LTBP1: variants seen among roughly 807,000 people sequenced by gnomAD.
LTBP1 encodes the protein latent-transforming growth factor beta-binding protein 1.
LTBP1 carries 129 observed loss-of-function variants against 207.6 expected under a neutral mutation model. The ratio of observed to expected loss-of-function variants is 0.62; its 90% CI spans 0.54 to 0.72. The LOEUF is 0.72. Ranked by LOEUF, LTBP1 falls within the 30% of genes least tolerant of loss-of-function variation. The probability of loss-of-function intolerance (pLI) is 0.00; values close to 1 mark genes in which losing one functional copy is unlikely to be tolerated. For missense variants in LTBP1, 2,281 were observed against 2,217.2 expected, an observed-to-expected ratio of 1.03 and a Z score of -0.58; for synonymous variants, 963 against 833.7, an observed-to-expected ratio of 1.16 and a Z score of -2.67.
At position 33,134,757 on chromosome 2, in the gene LTBP1, G is replaced by A. The variant is rs761277017; in HGVS notation, c.1034-36G>A. ...AAGTTCATGGATACTAAGCTGATGT[G>A]TTTGTTGTTCTTTTTCTCCCTGCCT... is the stretch of plus-strand genomic sequence containing the variant. On this transcript the variant is annotated intron_variant, in intron 4 of 33. Coordinates refer to ENST00000404816, the MANE Select transcript of LTBP1 (RefSeq NM_206943.4). The surrounding 1 kb of genome is among the most constrained non-coding windows in gnomAD (Gnocchi z 4.4). 12 of 1,613,766 alleles carry A rather than the reference G, an allele frequency of 7.4e-6. No homozygotes were observed. The Admixed American group carries it at 1.2e-4, about 16-fold the overall frequency.
intron 3 of LTBP1, among the ~76,000 whole-genome samples, chr2:33,037,057 T>C (rs573644616): frequency 6.6e-6 from 1 of 152,340 alleles, no homozygotes; most frequent in African/African-American, 2.4e-5. Flanking sequence ...GCTTTTTCTT[T>C]CACATTTCCT....
intron 5 of LTBP1, among the ~76,000 whole-genome samples, chr2:33,160,326 G>A (rs1394407822): frequency 2.0e-5 from 3 of 152,154 alleles, no homozygotes; most frequent in African/African-American, 7.2e-5. Context: ...TGGATGAATC[G>A]CAAAACTTGA....
intron 24 of LTBP1, among the ~76,000 whole-genome samples, chr2:33,338,146 A>T (rs1458189388): frequency 6.6e-6 from 1 of 152,230 alleles, no homozygotes; most frequent in Non-Finnish European, 1.5e-5. Context: ...ATAAAATATT[A>T]GTTGCTGAAG....
chr2:33,151,997 C>T lies in LTBP1; in HGVS notation c.1201+17037C>T, dbSNP rs564255004. 2.6e-5 allele frequency among the ~76,000 whole-genome samples: 4 copies of T among 152,212 alleles called. No homozygotes were observed. The South Asian group carries it at 8.3e-4, about 32-fold the overall frequency. Reference sequence around the variant, plus strand: ...TGCAAGTTGGAAAAACCCTTCTAGACATGGGCTTAGGCAAGAATTTTGTGA... The same window carrying T: ...TGCAAGTTGGAAAAACCCTTCTAGATATGGGCTTAGGCAAGAATTTTGTGA... On this transcript the variant is annotated intron_variant, in intron 5 of 33. Coordinates refer to ENST00000404816, the MANE Select transcript of LTBP1 (RefSeq NM_206943.4).
intron 7 of LTBP1, 74 bp downstream of exon 7, chr2:33,188,925 T>G: frequency 6.7e-7 from 1 of 1,482,486 alleles, no homozygotes; most frequent in Admixed American, 2.2e-5. Flanking sequence ...AAGCCAGACT[T>G]GATAAAAATG....
intron 3 of LTBP1, among the ~76,000 whole-genome samples, chr2:33,081,370 T>C (rs1210247321): frequency 6.6e-6 from 1 of 152,008 alleles, no homozygotes; most frequent in Admixed American, 6.5e-5. Context: ...GATATACATA[T>C]ACACACATGT....
chr2:33,155,001 C>T (rs369355460), intron 5 of LTBP1, among the ~76,000 whole-genome samples: 5 of 152,090 alleles, frequency 3.3e-5, no homozygotes, highest in East Asian at 3.9e-4. Flanking sequence ...AGGTGGAGGA[C>T]GCAGTGAGCC....
intron 5 of LTBP1, among the ~76,000 whole-genome samples, chr2:33,181,282 G>A (rs562972997): frequency 6.6e-6 from 1 of 152,168 alleles, no homozygotes; most frequent in African/African-American, 2.4e-5. Flanking sequence ...CAGTTTGCCC[G>A]CATTTATATA....
chr2:33,076,326 G>T (rs1572516437), intron 3 of LTBP1, among the ~76,000 whole-genome samples: 1 of 152,188 alleles, frequency 6.6e-6, no homozygotes, highest in African/African-American at 2.4e-5. Context: ...TTATGTGAGA[G>T]AAAGTGACCA....
At chr2:33,347,702 T>C (rs1362611619) in intron 26 of LTBP1, among the ~76,000 whole-genome samples, 192 bp downstream of exon 26, 1 of 152,218 alleles carries the variant, frequency 6.6e-6, no homozygotes, top group Non-Finnish European at 1.5e-5. Flanking sequence ...TGATGACTCT[T>C]TGGGCTAGAT....
rs111428396 is a variant in LTBP1, at chr2:32,960,459, A to G, written c.565+11514A>G. The stretch of plus-strand genomic sequence containing the variant: ...TGGATTGATTTGTTGTACTTTCACC[A>G]AGCTCCTATATAGTAGGTTTTGGTA... On this transcript the variant is annotated intron_variant, in intron 2 of 33. Transcript: ENST00000404816. Among the ~76,000 whole-genome samples, 565 of 152,300 alleles carry G rather than the reference A, an allele frequency of 3.7e-3. 3 individuals are homozygous for G. Among genetic ancestry groups the G allele is most frequent in the African/African-American group, 0.013 (546 of 41,566 alleles).
At chr2:33,016,493 C>A (rs907702936) in intron 2 of LTBP1, among the ~76,000 whole-genome samples, 1 of 152,202 alleles carries the variant, frequency 6.6e-6, no homozygotes, top group South Asian at 2.1e-4. Context: ...CTGGAGCCCT[C>A]CCCCGCTAGA....
At chr2:33,367,552 G>A (rs1382634490) in intron 31 of LTBP1, among the ~76,000 whole-genome samples, 1 of 152,078 alleles carries the variant, frequency 6.6e-6, no homozygotes, top group African/African-American at 2.4e-5. Context: ...CATTCCATAT[G>A]TCCATGTGTA....
At chr2:32,976,468 T>C (rs955960790) in intron 2 of LTBP1, among the ~76,000 whole-genome samples, 2 of 152,196 alleles carry the variant, frequency 1.3e-5, no homozygotes, top group Non-Finnish European at 2.9e-5. Flanking sequence ...TATTTTACCA[T>C]TGTATTTTGG....
chr2:33,190,744 C>T (rs1267156963), intron 7 of LTBP1, among the ~76,000 whole-genome samples: 1 of 152,184 alleles, frequency 6.6e-6, no homozygotes, highest in East Asian at 1.9e-4. Flanking sequence ...CAGCCATCTA[C>T]TATGACTGTT....
At position 33,169,743 on chromosome 2, in the gene LTBP1, T is replaced by C. The variant is rs527777262; in HGVS notation, c.1202-17113T>C. On this transcript the variant is annotated intron_variant, in intron 5 of 33. Transcript: ENST00000404816. ...TTTCATCAATAAGACAAATAGAATC[T>C]TAAAGTTTATGATCCATAAAAACCA... 3.1e-4 allele frequency among the ~76,000 whole-genome samples: 47 copies of C among 151,322 alleles called. No homozygotes were observed. The South Asian group carries it at 9.6e-3, about 31-fold the overall frequency.
At chr2:33,044,438 A>G (rs939344036) in intron 3 of LTBP1, among the ~76,000 whole-genome samples, 2 of 152,358 alleles carry the variant, frequency 1.3e-5, no homozygotes, top group Middle Eastern at 3.4e-3. Context: ...TGCAAAGGAC[A>G]TGAACTCATC....
At chr2:33,175,186 A>C (rs2085898961) in intron 5 of LTBP1, among the ~76,000 whole-genome samples, 1 of 150,980 alleles carries the variant, frequency 6.6e-6, no homozygotes, top group Admixed American at 6.6e-5. Flanking sequence ...GAGCTTCTGC[A>C]CAGCAAAAGA....
intron 11 of LTBP1, among the ~76,000 whole-genome samples, chr2:33,254,526 A>G (rs1407551192): frequency 7.7e-6 from 1 of 130,626 alleles, no homozygotes; most frequent in Non-Finnish European, 1.7e-5. Context: ...AAAAATATTT[A>G]GTTCGTTAAT....
Sources: allele counts gnomAD v4.1 joint callset (sites outside exome capture counted in the v4.1 genomes callset), GRCh38; gene constraint gnomAD v4.1.1; non-coding constraint Gnocchi (gnomAD v3.1); transcripts MANE v1.5; gene names NCBI Gene and HGNC (gene_info 2026-07-23, HGNC 2026-07-21).